FHOD3: variants seen among roughly 807,000 people sequenced by gnomAD.
FHOD3 encodes the protein FH1/FH2 domain-containing protein 3.
Under a neutral mutation model 173.0 loss-of-function variants are expected in FHOD3, and 90 were observed. That is an observed-to-expected ratio of 0.52 (90% CI 0.44 to 0.62). The LOEUF is 0.62. Ranked by LOEUF, FHOD3 falls within the 20% of genes least tolerant of loss-of-function variation. FHOD3 has a pLI of 0.00. For synonymous variants in FHOD3, 828 were observed against 823.0 expected, an observed-to-expected ratio of 1.01 and a Z score of -0.10; for missense variants, 1,945 against 2,034.7, an observed-to-expected ratio of 0.96 and a Z score of 0.85.
At chr18:36,307,198 G>A (rs879918699) in intron 1 of FHOD3, among the ~76,000 whole-genome samples, 7 of 152,124 alleles carry the variant, frequency 4.6e-5, no homozygotes, top group South Asian at 2.1e-4. Flanking sequence ...TCCTGACCTC[G>A]TAATCTGCCC....
At chr18:36,568,652 T>C (rs1329996753) in intron 5 of FHOD3, among the ~76,000 whole-genome samples, 2 of 152,168 alleles carry the variant, frequency 1.3e-5, no homozygotes, top group Non-Finnish European at 2.9e-5. Context: ...CTCTGAAAAC[T>C]GAACTGATAT....
intron 1 of FHOD3, among the ~76,000 whole-genome samples, chr18:36,299,764 C>A (rs961904939): frequency 2.6e-5 from 4 of 152,134 alleles, no homozygotes; most frequent in African/African-American, 9.7e-5. Context: ...TGAACAGAAC[C>A]AGAAGTGGTT....
At chr18:36,703,402 ACAGT>A (rs1302546916) in intron 17 of FHOD3, among the ~76,000 whole-genome samples, 2 of 152,154 alleles carry the variant, frequency 1.3e-5, no homozygotes, top group African/African-American at 2.4e-5. Context: ...CATGGATCAA[ACAGT>A]CAGAGAGTAG....
intron 7 of FHOD3, among the ~76,000 whole-genome samples, chr18:36,599,779 A>G (rs777826865): frequency 6.6e-6 from 1 of 152,214 alleles, no homozygotes; most frequent in Non-Finnish European, 1.5e-5. Context: ...TAAACTGGGT[A>G]TCTCCACCAA....
At chr18:36,363,776 G>A (rs895650561) in intron 2 of FHOD3, among the ~76,000 whole-genome samples, 1 of 151,478 alleles carries the variant, frequency 6.6e-6, no homozygotes, top group African/African-American at 2.4e-5. Context: ...GTTCAACACA[G>A]TGAATTATAA....
At chr18:36,587,946 TG>T (rs1291625352) in intron 6 of FHOD3, among the ~76,000 whole-genome samples, 34 of 152,364 alleles carry the variant, frequency 2.2e-4, no homozygotes, top group African/African-American at 7.5e-4. Flanking sequence ...AATTGCATTG[TG>T]TCATAAGCAG....
chr18:36,720,765 T>TCTC (rs1269768656), intron 19 of FHOD3, among the ~76,000 whole-genome samples: 1 of 139,974 alleles, frequency 7.1e-6, no homozygotes. Flanking sequence ...TCCTGCTCCT[T>TCTC]CTCCTCCTCC....
chr18:36,629,008 T>G (rs1396633322), intron 10 of FHOD3, among the ~76,000 whole-genome samples: 3 of 152,220 alleles, frequency 2.0e-5, no homozygotes, highest in Non-Finnish European at 4.4e-5. Context: ...AGAAGTAATT[T>G]TGAACTTCAT....
chr18:36,469,199 A>T (rs933529899), intron 3 of FHOD3, among the ~76,000 whole-genome samples: 4 of 152,184 alleles, frequency 2.6e-5, no homozygotes, highest in Non-Finnish European at 5.9e-5. Flanking sequence ...ATCACCAGGT[A>T]TAGAGCTATA....
chr18:36,510,005 A>G (rs2055544342), intron 4 of FHOD3, among the ~76,000 whole-genome samples: 2 of 152,342 alleles, frequency 1.3e-5, no homozygotes, highest in South Asian at 4.1e-4. Context: ...TTACACAGGC[A>G]GCGGTGCTGT....
At chr18:36,489,724 G>A (rs1238301383) in intron 3 of FHOD3, among the ~76,000 whole-genome samples, 1 of 152,102 alleles carries the variant, frequency 6.6e-6, no homozygotes, top group South Asian at 2.1e-4. Context: ...CGTGAGTCTT[G>A]AGAAAATATG....
rs374690050 is a variant in FHOD3 at position 36,312,075 on chromosome 18, G to T, written c.165+14075G>T. On this transcript the variant is annotated intron_variant, in intron 1 of 28. Transcript: ENST00000590592. ...CCTGCCCTGTACCCTCCCAGTTCCT[G>T]TCACTACTGCAATAAAACTACTCTT... is the stretch of plus-strand genomic sequence containing the variant. Among the ~76,000 whole-genome samples, 7 of 152,062 alleles carry T rather than the reference G, an allele frequency of 4.6e-5. No individual in the cohort carries two copies. In the East Asian group the frequency reaches 5.8e-4, roughly 13 times the overall value.
intron 3 of FHOD3, among the ~76,000 whole-genome samples, chr18:36,423,929 T>G (rs564348184): frequency 1.3e-5 from 2 of 152,220 alleles, no homozygotes; most frequent in African/African-American, 4.8e-5. Flanking sequence ...TGTTTCAACA[T>G]GATTGACATA....
chr18:36,763,031 A>G (rs1312169570), intron 27 of FHOD3, among the ~76,000 whole-genome samples: 2 of 128,912 alleles, frequency 1.6e-5, no homozygotes, highest in African/African-American at 2.7e-5. Context: ...TACACTTTAT[A>G]TATAATATGC....
At chr18:36,427,231 G>C (rs1023532465) in intron 3 of FHOD3, among the ~76,000 whole-genome samples, 2 of 131,924 alleles carry the variant, frequency 1.5e-5, no homozygotes, top group African/African-American at 5.7e-5. Context: ...AGACGAGAAA[G>C]ATCACACTGC....
chr18:36,306,281 C>T (rs1333407721), intron 1 of FHOD3, among the ~76,000 whole-genome samples: 1 of 152,164 alleles, frequency 6.6e-6, no homozygotes, highest in Admixed American at 6.5e-5. Flanking sequence ...CTCTGAGGTG[C>T]CTCACTCCCA....
chr18:36,551,768 T>G (rs964703637), intron 5 of FHOD3, among the ~76,000 whole-genome samples: 4 of 152,156 alleles, frequency 2.6e-5, no homozygotes, highest in Non-Finnish European at 4.4e-5. Flanking sequence ...TTTCCCCATT[T>G]CTTGTTTTTG....
chr18:36,380,571 T>C lies in FHOD3; in HGVS notation c.337+7827T>C, dbSNP rs1206197419. ...TCTTTTGTTTTCTTTTCTTTTCTTT[T>C]CTTTTCTTTTCCTTTCCTTTCCTTT... On this transcript the variant is annotated intron_variant, in intron 3 of 28. Transcript: ENST00000590592. Among the ~76,000 whole-genome samples, 290 of 117,262 alleles carry C rather than the reference T, an allele frequency of 2.5e-3. 7 individuals carry two copies. The highest frequency in any genetic ancestry group is 9.5e-3 in the African/African-American group (266 of 28,106). 76.9% of individuals were successfully genotyped at this position (117,262 alleles called of 152,430 possible).
intron 3 of FHOD3, among the ~76,000 whole-genome samples, chr18:36,443,851 G>A (rs2051297465): frequency 6.6e-6 from 1 of 152,052 alleles, no homozygotes; most frequent in Non-Finnish European, 1.5e-5. Context: ...CCTTTTATTT[G>A]TAGCTCCTCT....
Sources: gnomAD v4.1 joint callset for allele counts (sites outside exome capture counted in the v4.1 genomes callset) on GRCh38, gnomAD v4.1.1 for gene constraint, MANE v1.5 for transcripts, NCBI Gene and HGNC (gene_info 2026-07-23, HGNC 2026-07-21) for gene names.